Variants in WASHC2A observed in about 807,000 individuals in gnomAD.
The protein encoded by WASHC2A is WASH complex subunit FAM21A.
WASHC2A carries 82 observed loss-of-function variants against 140.3 expected under a neutral mutation model. The observed-to-expected ratio is 0.58, with a 90% confidence interval of 0.49 to 0.70. The LOEUF (loss-of-function observed/expected upper bound fraction) is 0.70. Ranked by LOEUF, WASHC2A falls within the 30% of genes least tolerant of loss-of-function variation. WASHC2A has a pLI of 0.00. For synonymous variants in WASHC2A, 340 were observed against 560.8 expected (o/e 0.61, Z 5.56); for missense variants, 985 against 1,521.8 (o/e 0.65, Z 5.87).
chr10:50,077,016 C>T (rs1589151826), intron 3 of WASHC2A, among the ~76,000 whole-genome samples: 1 of 151,470 alleles, frequency 6.6e-6, no homozygotes, highest in African/African-American at 2.4e-5. Context: ...ACTCGGGAGG[C>T]TGAGGCAGGA....
intron 15 of WASHC2A, among the ~76,000 whole-genome samples, chr10:50,097,285 A>G (rs74881065): frequency 0.19 from 29,289 of 150,866 alleles, 3,728 homozygotes; most frequent in East Asian, 0.63. Flanking sequence ...GTACAGTTTG[A>G]TTTTTTTTAA....
chr10:50,069,424 A>G, intron 2 of WASHC2A, 123 bp from the exon 3 acceptor site: 1 of 1,387,370 alleles, frequency 7.2e-7, no homozygotes, highest in Non-Finnish European at 9.5e-7. Flanking sequence ...CTCAAAAAAA[A>G]AAAAAGCATT....
At chr10:50,109,148 A>G (rs1554889437) in intron 19 of WASHC2A, among the ~76,000 whole-genome samples, 1 of 152,156 alleles carries the variant, frequency 6.6e-6, no homozygotes, top group African/African-American at 2.4e-5. Context: ...AATTCTGCAT[A>G]ATCTGCTGCT....
At chr10:50,114,530 CAAAAA>C (rs1212563688) in intron 21 of WASHC2A, among the ~76,000 whole-genome samples, 1 of 110,010 alleles carries the variant, frequency 9.1e-6, no homozygotes, top group Non-Finnish European at 1.9e-5. Context: ...TACTGCAGGC[CAAAAA>C]AAAAAAAAAG....
At chr10:50,113,220 T>A (rs1842424806) in intron 20 of WASHC2A, among the ~76,000 whole-genome samples, 2 of 151,642 alleles carry the variant, frequency 1.3e-5, no homozygotes, top group African/African-American at 4.9e-5. Flanking sequence ...AGTAAAAAAA[T>A]TAGCCAGGCA....
At chr10:50,102,141 C>T (rs1228750438) in intron 17 of WASHC2A, among the ~76,000 whole-genome samples, 2 of 152,188 alleles carry the variant, frequency 1.3e-5, no homozygotes, top group Non-Finnish European at 2.9e-5. Context: ...TGTGAAAACC[C>T]TACCAAAGGC....
intron 21 of WASHC2A, among the ~76,000 whole-genome samples, 186 bp downstream of exon 21, chr10:50,114,183 A>C (rs185248536): frequency 1.3e-5 from 1 of 76,854 alleles, no homozygotes; most frequent in Non-Finnish European, 2.6e-5. Flanking sequence ...CACGTGCAAA[A>C]CCATCATTCA....
intron 2 of WASHC2A, among the ~76,000 whole-genome samples, chr10:50,068,875 ATTTG>A (rs1451548021): frequency 1.0e-4 from 15 of 144,900 alleles, no homozygotes; most frequent in African/African-American, 3.4e-4. Context: ...CACCTGTCTG[ATTTG>A]TTTATTTATT....
rs1256136090 is a variant in WASHC2A at position 50,111,252 on chromosome 10, T to C, written c.2039+982T>C. Among the ~76,000 whole-genome samples, 9 of 138,570 alleles carry C rather than the reference T, an allele frequency of 6.5e-5. 1 individual carries two copies. The highest frequency in any genetic ancestry group is 2.3e-4 in the African/African-American group (9 of 39,706). The allele number at this position is 138,570 out of a possible 152,430, so 90.9% of individuals were successfully genotyped here. A position where few individuals can be genotyped will look rare whatever the true frequency, so the allele number is the denominator to read the frequency against. ...GACATGTAAATCCTATGCTTTGGTG[T>C]GGTTAAGCGTCATTTGATAGATTCA... On this transcript the variant is annotated intron_variant, in intron 20 of 30. Transcript: ENST00000282633.
At chr10:50,115,476 G>A (rs1554891675) in intron 21 of WASHC2A, among the ~76,000 whole-genome samples, 1 of 127,486 alleles carries the variant, frequency 7.8e-6, no homozygotes, top group Non-Finnish European at 1.7e-5. Flanking sequence ...GTGAAGCAAC[G>A]GTGACTTTCT....
rs559414824 is a variant in WASHC2A, at chr10:50,132,870, C to A, written c.3951C>A (p.Ala1317=). 2.5e-6 allele frequency: 4 copies of A among 1,611,886 alleles called. No individual in the cohort carries two copies. The South Asian group carries it at 3.3e-5, about 13-fold the overall frequency. Residue 1317 remains alanine, a synonymous_variant, in exon 31 of 31, where the codon GCC becomes GCA. Coordinates refer to ENST00000282633, the MANE Select transcript of WASHC2A (RefSeq NM_001005751.3). ...TTKPKSRSAQ[A]APEPRFEHKV... ...AACCAAAAAGCCGATCTGCACAGGC[C>A]GCACCTGAACCAAGATTTGAACACA... is the stretch of plus-strand genomic sequence containing the variant.
chr10:50,093,427 G>C lies in WASHC2A; in HGVS notation c.1122+41G>C, dbSNP rs1840126617. On this transcript the variant is annotated intron_variant, in intron 12 of 30. Transcript: ENST00000282633. The stretch of plus-strand genomic sequence containing the variant: ...CCAGCAACACTCCCTGCAGCTAGCT[G>C]TGTCAGGGGTCCACAGGGAAGATAT... 3.0e-6 allele frequency: 3 copies of C among 985,016 alleles called. No individual in the cohort carries two copies. The South Asian group carries it at 4.6e-5, about 15-fold the overall frequency. The allele number at this position is 985,016 out of a possible 1,614,324, so 61.0% of individuals were successfully genotyped here. A position where few individuals can be genotyped will look rare whatever the true frequency, so the allele number is the denominator to read the frequency against.
chr10:50,078,348 C>G (rs1838555393), intron 3 of WASHC2A, among the ~76,000 whole-genome samples: 1 of 152,168 alleles, frequency 6.6e-6, no homozygotes, highest in Non-Finnish European at 1.5e-5. Context: ...CATTGCCCAT[C>G]AACATTATTA....
chr10:50,068,197 C>T lies in WASHC2A; in HGVS notation c.96C>T (p.Ser32=). Reference sequence around the variant, plus strand: ...CGGTGGAGGAGATCCGCAGGAGCAGCCAGAGCTGGTCGCTGGCGGCCGACG... The same window carrying T: ...CGGTGGAGGAGATCCGCAGGAGCAGTCAGAGCTGGTCGCTGGCGGCCGACG... The part of the protein sequence containing the change: ...PWSVEEIRRS[S]QSWSLAADAG... Residue 32 remains serine (S), a synonymous_variant, in exon 2 of 31, where the codon AGC becomes AGT. Transcript: ENST00000282633. The T allele has an allele frequency of 1.9e-6, 3 of 1,594,212 alleles. No individual in the cohort carries two copies. Among genetic ancestry groups the T allele is most frequent in the Non-Finnish European group, 2.6e-6 (3 of 1,170,782 alleles).
Position 50,091,460 on chromosome 10 carries a change from T to C in WASHC2A, c.873T>C (p.Asp291=), listed in dbSNP as rs1257126099. Residue 291 remains aspartate (D), a synonymous_variant, in exon 10 of 31, where the codon GAT becomes GAC. Coordinates refer to ENST00000282633, the MANE Select transcript of WASHC2A (RefSeq NM_001005751.3). ...PKRSRPTSFA[D]ELAARIKGDA... ...GAAGCAGACCTACATCGTTTGCAGA[T>C]GAGCTGGCTGCCCGCATCAAGGGGG... 2.1e-4 allele frequency: 332 copies of C among 1,550,674 alleles called. 1 individual carries two copies. The highest frequency in any genetic ancestry group is 2.8e-4 in the Non-Finnish European group (324 of 1,147,230).
chr10:50,109,376 CT>C (rs1186254741), intron 19 of WASHC2A, among the ~76,000 whole-genome samples: 1 of 151,984 alleles, frequency 6.6e-6, no homozygotes, highest in African/African-American at 2.4e-5. Context: ...AGTTTTTACA[CT>C]TTTTTTTCAA....
At chr10:50,084,276 C>T in intron 6 of WASHC2A, 111 bp downstream of exon 6, 1 of 1,033,088 alleles carries the variant, frequency 9.7e-7, no homozygotes, top group Non-Finnish European at 1.4e-6. Context: ...TCTCATATAC[C>T]CTTCACCTGG....
At chr10:50,072,859 T>C (rs550073474) in intron 3 of WASHC2A, among the ~76,000 whole-genome samples, 1 of 152,334 alleles carries the variant, frequency 6.6e-6, no homozygotes, top group East Asian at 1.9e-4. Flanking sequence ...GCTTGAATTA[T>C]GGTGCCATTT....
chr10:50,092,014 G>C (rs1839979252), intron 10 of WASHC2A, 148 bp from the exon 11 acceptor site: 2 of 1,591,836 alleles, frequency 1.3e-6, no homozygotes, highest in Non-Finnish European at 1.7e-6. Context: ...GGCAGGGCCA[G>C]GGGGTTCAGT....
Sources: gnomAD v4.1 joint callset for allele counts (sites outside exome capture counted in the v4.1 genomes callset) on GRCh38, gnomAD v4.1.1 for gene constraint, MANE v1.5 for transcripts, NCBI Gene and HGNC (gene_info 2026-07-23, HGNC 2026-07-21) for gene names.